The following CSMD2 variants were observed in gnomAD, a reference collection of about 807,000 sequenced individuals.
CSMD2 encodes CUB and sushi domain-containing protein 2.
A neutral mutation model predicts 398.5 loss-of-function variants in CSMD2; 130 were observed. The observed-to-expected ratio is 0.33, with a 90% CI of 0.28 to 0.38. CSMD2 has a LOEUF of 0.38. Among genes scored for constraint, CSMD2 ranks in the 10% least tolerant of loss-of-function variants. CSMD2 has a pLI of 1.00. For missense variants in CSMD2, 3,829 were observed against 4,764.9 expected (o/e 0.80, Z 5.78); for synonymous variants, 1,828 against 1,908.5 (o/e 0.96, Z 1.10).
rs1455183650 is a variant in CSMD2, at chr1:34,135,108, A to G, written c.187+29803T>C. Among the ~76,000 whole-genome samples the G allele has an allele frequency of 1.3e-5, 2 of 152,200 alleles. 1 individual carries two copies. The highest frequency in any genetic ancestry group is 4.8e-5 in the African/African-American group (2 of 41,444). The stretch of plus-strand genomic sequence containing the variant: ...TCTCCAGGTGATTCTGATGTACTCG[A>G]AAATGTAGCGTTACAAAGAACTTTC... On this transcript the variant is annotated intron_variant, in intron 1 of 70. Coordinates refer to ENST00000373381, the MANE Select transcript of CSMD2 (RefSeq NM_001281956.2).
chr1:33,823,948 C>T (rs1488392546), intron 7 of CSMD2, among the ~76,000 whole-genome samples: 3 of 152,116 alleles, frequency 2.0e-5, no homozygotes, highest in African/African-American at 7.2e-5. Flanking sequence ...GCACCCAGAG[C>T]ATCACATGTA....
chr1:33,986,667 C>T (rs72894874), intron 3 of CSMD2, among the ~76,000 whole-genome samples: 3,332 of 152,252 alleles, frequency 0.022, 83 homozygotes, highest in African/African-American at 0.061. Flanking sequence ...GCTTAAAGTC[C>T]TTCCAAGTCT....
intron 6 of CSMD2, among the ~76,000 whole-genome samples, chr1:33,829,350 T>TA (rs1659202304): frequency 1.3e-5 from 2 of 152,188 alleles, no homozygotes; most frequent in South Asian, 4.1e-4. Context: ...CATTTTTTTT[T>TA]AGATTAAATT....
At chr1:33,825,502 G>A (rs1458026375) in intron 7 of CSMD2, among the ~76,000 whole-genome samples, 195 bp downstream of exon 7, 1 of 152,266 alleles carries the variant, frequency 6.6e-6, no homozygotes, top group Non-Finnish European at 1.5e-5. Flanking sequence ...AAGAGGAGGA[G>A]GAGAAGGCAA....
intron 2 of CSMD2, among the ~76,000 whole-genome samples, chr1:34,061,464 C>G (rs1044016131): frequency 1.3e-5 from 2 of 152,064 alleles, no homozygotes; most frequent in African/African-American, 4.8e-5. Flanking sequence ...TCTCTAGCAC[C>G]CAGGGCCACC....
At chr1:33,810,476 G>A (rs145055959) in intron 10 of CSMD2, among the ~76,000 whole-genome samples, 2 of 152,108 alleles carry the variant, frequency 1.3e-5, no homozygotes, top group African/African-American at 4.8e-5. Context: ...GATTGGTGAG[G>A]AACCTGCATC....
intron 13 of CSMD2, 117 bp downstream of exon 13, chr1:33,772,452 G>T (rs1250894416): frequency 1.7e-5 from 14 of 833,894 alleles, no homozygotes; most frequent in Non-Finnish European, 2.5e-5. Context: ...ACCAACCAGA[G>T]TGCAGCTGTT....
intron 1 of CSMD2, among the ~76,000 whole-genome samples, chr1:34,147,399 G>C (rs954560817): frequency 6.6e-6 from 1 of 152,234 alleles, no homozygotes; most frequent in Non-Finnish European, 1.5e-5. Context: ...GGGGAGGGGA[G>C]GGAGGAGGAT....
chr1:33,732,635 G>GT (rs1003924063), intron 15 of CSMD2, among the ~76,000 whole-genome samples: 1 of 152,196 alleles, frequency 6.6e-6, no homozygotes, highest in Non-Finnish European at 1.5e-5. Context: ...AATTTATGTT[G>GT]TTTAAGGCAC....
At chr1:33,903,728 A>C (rs1178552442) in intron 5 of CSMD2, among the ~76,000 whole-genome samples, 1 of 152,226 alleles carries the variant, frequency 6.6e-6, no homozygotes, top group Non-Finnish European at 1.5e-5. Context: ...GTAAGCAAGA[A>C]AATATCAGGT....
chr1:33,557,617 GACACACACACACACACACACACAC>G (rs10579079), intron 55 of CSMD2, 93 bp downstream of exon 55: 3 of 661,248 alleles, frequency 4.5e-6, no homozygotes, highest in Admixed American at 2.7e-5. Context: ...TACATGTGCA[GACACACACACACACACACACACAC>G]ACACACACAC....
rs1267870547 is a variant in CSMD2, at chr1:33,716,269, A to T, written c.3217+17T>A. 2 of 1,600,048 alleles carry T rather than the reference A, an allele frequency of 1.2e-6. No homozygotes were observed. Among genetic ancestry groups the T allele is most frequent in the Non-Finnish European group, 1.7e-6 (2 of 1,167,420 alleles). ...GCACCATGGTCTCTTCCCCTCAGGG[A>T]CCCTCATACTCTTTACCTGAGAAGG... On this transcript the variant is annotated intron_variant, in intron 20 of 70. Transcript: ENST00000373381.
rs1182327357 is a variant in CSMD2 at position 33,537,135 on chromosome 1, G to C, written c.9806-40C>G. 3 of 1,607,838 alleles carry C rather than the reference G, an allele frequency of 1.9e-6. No individual in the cohort carries two copies. Among genetic ancestry groups the C allele is most frequent in the Non-Finnish European group, 2.6e-6 (3 of 1,174,384 alleles). On this transcript the variant is annotated intron_variant, in intron 61 of 70. Coordinates refer to ENST00000373381, the MANE Select transcript of CSMD2 (RefSeq NM_001281956.2). This position sits in a 1 kb window ranked among gnomAD's most constrained non-coding sequence, Gnocchi z 4.6. The stretch of plus-strand genomic sequence containing the variant: ...CAAAGACACAGATCACATGGTCATG[G>C]AAGCCTTCACGGCCTCATCTCACTC...
At chr1:33,971,605 G>A (rs1645766555) in intron 3 of CSMD2, among the ~76,000 whole-genome samples, 1 of 152,240 alleles carries the variant, frequency 6.6e-6, no homozygotes, top group African/African-American at 2.4e-5. Context: ...TGAAAGGACA[G>A]AGCTGGGTTT....
intron 3 of CSMD2, among the ~76,000 whole-genome samples, chr1:34,015,868 G>A (rs930165337): frequency 2.6e-5 from 4 of 152,118 alleles, no homozygotes; most frequent in South Asian, 4.1e-4. Flanking sequence ...CTTCTCACAC[G>A]AATAAATCTT....
At chr1:34,008,329 T>TC (rs946785547) in intron 3 of CSMD2, among the ~76,000 whole-genome samples, 2 of 152,186 alleles carry the variant, frequency 1.3e-5, no homozygotes, top group African/African-American at 4.8e-5. Context: ...ATTCATCTTG[T>TC]CCCCCTAGTG....
In CSMD2 at chr1:33,635,137, C is replaced by A. The variant is rs942366505; in HGVS notation, c.5086+77G>T. On this transcript the variant is annotated intron_variant, in intron 31 of 70. Coordinates refer to ENST00000373381, the MANE Select transcript of CSMD2 (RefSeq NM_001281956.2). This position sits in a 1 kb window ranked among gnomAD's most constrained non-coding sequence, Gnocchi z 5.0. The stretch of plus-strand genomic sequence containing the variant: ...AATGGGGCTGTATATAATTGGGAGG[C>A]GTCTGAGGAATTGCTCATTTTGGAA... 3 of 855,426 alleles carry A rather than the reference C, an allele frequency of 3.5e-6. No homozygotes were observed. Among genetic ancestry groups the A allele is most frequent in the South Asian group, 1.5e-5 (1 of 66,464 alleles). 53.0% of individuals were successfully genotyped at this position (855,426 alleles called of 1,614,324 possible).
At chr1:33,791,550 C>G (rs973798627) in intron 11 of CSMD2, among the ~76,000 whole-genome samples, 1 of 152,088 alleles carries the variant, frequency 6.6e-6, no homozygotes, top group Non-Finnish European at 1.5e-5. Context: ...TAGTGGCATG[C>G]TCTCAGCTCA....
chr1:33,979,697 A>ATGTG (rs112461458), intron 3 of CSMD2, among the ~76,000 whole-genome samples: 2 of 151,656 alleles, frequency 1.3e-5, no homozygotes, highest in Admixed American at 6.6e-5. Flanking sequence ...TGTGTGTTTT[A>ATGTG]TGTGTGTGTG....
Sources: allele counts gnomAD v4.1 joint callset (sites outside exome capture counted in the v4.1 genomes callset), GRCh38; gene constraint gnomAD v4.1.1; non-coding constraint Gnocchi (gnomAD v3.1); transcripts MANE v1.5; gene names NCBI Gene and HGNC (gene_info 2026-07-23, HGNC 2026-07-21).